TBC1D10A: variants seen among roughly 807,000 people sequenced by gnomAD.
TBC1D10A encodes EBP50-PDX interactor of 64 kDa.
Under a neutral mutation model 52.9 loss-of-function variants are expected in TBC1D10A, and 24 were observed. The observed-to-expected ratio is 0.45, with a 90% confidence interval of 0.33 to 0.64. The LOEUF (loss-of-function observed/expected upper bound fraction) is 0.64. Ranked by LOEUF, TBC1D10A falls within the 30% of genes least tolerant of loss-of-function variation. The pLI, the probability that TBC1D10A is intolerant of heterozygous loss-of-function variation, is 0.02. For missense variants in TBC1D10A, 602 were observed against 687.9 expected, an observed-to-expected ratio of 0.88 and a Z score of 1.40; for synonymous variants, 278 against 282.9, an observed-to-expected ratio of 0.98 and a Z score of 0.17.
At chr22:30,315,310 G>A (rs1034570296) in intron 1 of TBC1D10A, among the ~76,000 whole-genome samples, 7 of 152,154 alleles carry the variant, frequency 4.6e-5, no homozygotes, top group Middle Eastern at 3.2e-3. Context: ...TGTGAGAGCC[G>A]CCATGTTCCA....
chr22:30,304,744 T>C, intron 1 of TBC1D10A, 114 bp from the exon 2 acceptor site: 1 of 1,490,844 alleles, frequency 6.7e-7, no homozygotes, highest in Non-Finnish European at 8.9e-7. Context: ...CCATCCCTGC[T>C]GTTCCCTTCA....
At chr22:30,300,020 G>A (rs1241335767) in intron 2 of TBC1D10A, among the ~76,000 whole-genome samples, 2 of 151,906 alleles carry the variant, frequency 1.3e-5, no homozygotes, top group Admixed American at 6.6e-5. Context: ...CCTATGGTGC[G>A]GGGAGAGGAG....
intron 3 of TBC1D10A, 22 bp from the exon 4 acceptor site, chr22:30,295,865 A>G: frequency 6.2e-7 from 1 of 1,604,160 alleles, no homozygotes; most frequent in South Asian, 1.1e-5. Context: ...GGCACAAATT[A>G]GGGGCTGGGG....
chr22:30,303,035 C>A (rs1289570926), intron 2 of TBC1D10A, among the ~76,000 whole-genome samples: 1 of 152,252 alleles, frequency 6.6e-6, no homozygotes, highest in East Asian at 1.9e-4. Flanking sequence ...AATTCCAGCA[C>A]TTTGGGAGGC....
rs1381838727 is a variant in TBC1D10A, at chr22:30,292,599, G to C, written c.1303C>G (p.Gln435Glu). ...PKPPKQAQKE[Q>E]RKQMKGRGQL... ...CCTCTCCCCTTCATCTGTTTCCGCT[G>C]CTCCTTCTGGGCCTGCTTGGGTGGC... is the stretch of plus-strand genomic sequence containing the variant. The change falls in exon 9 of 9, where the codon CAG (glutamine) becomes GAG (glutamate). Residue 435 changes from glutamine (Q) to glutamate (E), a missense_variant. Physicochemically the swap from Gln to Glu is conservative, Grantham distance 29. Around this residue, in one of 3 missense-constraint regions of TBC1D10A, gnomAD observed 265 missense variants for 275.1 expected, o/e 0.96. Transcript: ENST00000215790. 1 of 1,613,610 alleles carries C rather than the reference G, an allele frequency of 6.2e-7. No homozygotes were observed. Among genetic ancestry groups the C allele is most frequent in the South Asian group, 1.1e-5 (1 of 91,036 alleles).
intron 1 of TBC1D10A, among the ~76,000 whole-genome samples, chr22:30,308,455 A>G (rs1930362779): frequency 6.6e-6 from 1 of 151,698 alleles, no homozygotes; most frequent in Non-Finnish European, 1.5e-5. Context: ...CAACACACAT[A>G]CACACACACA....
At chr22:30,303,889 GA>G (rs1369725705) in intron 2 of TBC1D10A, among the ~76,000 whole-genome samples, 1 of 152,252 alleles carries the variant, frequency 6.6e-6, no homozygotes, top group African/African-American at 2.4e-5. Flanking sequence ...AGCCTCACTT[GA>G]AAAGGACTAC....
chr22:30,321,595 TG>T (rs1330719651), intron 1 of TBC1D10A, among the ~76,000 whole-genome samples: 1 of 152,224 alleles, frequency 6.6e-6, no homozygotes, highest in Non-Finnish European at 1.5e-5. Context: ...TGTTTCTCCC[TG>T]GGCCCAGCTC....
chr22:30,299,067 G>A, intron 3 of TBC1D10A: 1 of 188,480 alleles, frequency 5.3e-6, no homozygotes, highest in Non-Finnish European at 1.1e-5. Flanking sequence ...CCAGGGCACA[G>A]GGCCCAAGGC....
At chr22:30,311,471 C>T (rs1930424535) in intron 1 of TBC1D10A, among the ~76,000 whole-genome samples, 3 of 152,172 alleles carry the variant, frequency 2.0e-5, no homozygotes, top group Non-Finnish European at 4.4e-5. Context: ...TGGCTTGCTT[C>T]ACTCTCCCTC....
At chr22:30,309,383 A>G (rs1418196929) in intron 1 of TBC1D10A, among the ~76,000 whole-genome samples, 3 of 151,934 alleles carry the variant, frequency 2.0e-5, no homozygotes, top group African/African-American at 7.3e-5. Flanking sequence ...GCACCACCAC[A>G]CCCAGCTAAT....
At position 30,295,808 on chromosome 22, in the gene TBC1D10A, C is replaced by T; in HGVS notation, c.453G>A (p.Leu151=). 2 of 1,614,026 alleles carry T rather than the reference C, an allele frequency of 1.2e-6. No homozygotes were observed. Among genetic ancestry groups the T allele is most frequent in the Non-Finnish European group, 1.7e-6 (2 of 1,180,006 alleles). The change falls in exon 4 of 9, where the codon CTG becomes CTA. Residue 151 remains leucine (L), a synonymous_variant. Transcript: ENST00000215790. ...GGTGCAGGTCACGCTCAATCACGTC[C>T]AGCCACTTGGGGTCCCCAGGGGACA... ...LDMSPGDPKW[L]DVIERDLHRQ...
Position 30,297,657 on chromosome 22 carries a change from A to G in TBC1D10A, c.417+1787T>C, listed in dbSNP as rs1930111412. ...AAAGGACAGGAGGTCCTGCCTGCCCAAGGAAGGAGGAAGAAATAGCACGTG... is the reference window on the plus strand; with the variant it reads ...AAAGGACAGGAGGTCCTGCCTGCCCGAGGAAGGAGGAAGAAATAGCACGTG... On this transcript the variant is annotated intron_variant, in intron 3 of 8. Transcript: ENST00000215790. This position sits in a 1 kb window ranked among gnomAD's most constrained non-coding sequence, Gnocchi z 4.3. 6.6e-6 allele frequency: 1 copy of G among 152,328 alleles called. No individual in the cohort carries two copies. The highest frequency in any genetic ancestry group is 6.5e-5 in the Admixed American group (1 of 15,280). The allele number at this position is 152,328 out of a possible 1,614,324, so 9.4% of individuals were successfully genotyped here.
chr22:30,301,035 G>A (rs1930191294), intron 2 of TBC1D10A, among the ~76,000 whole-genome samples: 1 of 152,170 alleles, frequency 6.6e-6, no homozygotes, highest in African/African-American at 2.4e-5. Flanking sequence ...GAGGGTAGGG[G>A]AAAATTCGTG....
At chr22:30,304,796 C>G (rs890756297) in intron 1 of TBC1D10A, 166 bp from the exon 2 acceptor site, 47 of 1,314,170 alleles carry the variant, frequency 3.6e-5, no homozygotes, top group Non-Finnish European at 4.6e-5. Context: ...TGAGAGGGAA[C>G]ACGCCACCTC....
At chr22:30,293,094 C>T in intron 8 of TBC1D10A, 1 of 620,442 alleles carries the variant, frequency 1.6e-6, no homozygotes, top group Non-Finnish European at 2.9e-6. Flanking sequence ...TTCACGAGTC[C>T]ACCTGCCTGA....
chr22:30,302,138 T>G (rs1037368453), intron 2 of TBC1D10A, among the ~76,000 whole-genome samples: 1 of 152,142 alleles, frequency 6.6e-6, no homozygotes, highest in Non-Finnish European at 1.5e-5. Context: ...TCTGGCCTCC[T>G]CAGCATAAAG....
At chr22:30,321,020 A>C (rs1273100868) in intron 1 of TBC1D10A, among the ~76,000 whole-genome samples, 1 of 152,208 alleles carries the variant, frequency 6.6e-6, no homozygotes, top group East Asian at 1.9e-4. Context: ...GTCCTGTTTC[A>C]GGCCCAGATG....
At chr22:30,318,882 T>C (rs1209095481) in intron 1 of TBC1D10A, 3 of 363,050 alleles carry the variant, frequency 8.3e-6, no homozygotes, top group Non-Finnish European at 1.6e-5. Context: ...CAGCCTGACA[T>C]TCAAGGCTGG....
Sources: gnomAD v4.1 joint callset for allele counts (sites outside exome capture counted in the v4.1 genomes callset) on GRCh38, gnomAD v4.1.1 for gene constraint, gnomAD v4.1.1 regional missense constraint, Gnocchi (gnomAD v3.1) non-coding constraint, MANE v1.5 for transcripts, NCBI Gene and HGNC (gene_info 2026-07-23, HGNC 2026-07-21) for gene names.